Variants in CTBP2 observed in about 807,000 individuals in gnomAD.
CTBP2 encodes the protein C-terminal-binding protein 2.
A neutral mutation model predicts 80.3 loss-of-function variants in CTBP2; 30 were observed. The observed-to-expected ratio is 0.37, with a 90% CI of 0.28 to 0.51. The LOEUF is 0.51. CTBP2 is among the 20% of genes least tolerant of loss of function. The pLI, the probability that CTBP2 is intolerant of heterozygous loss-of-function variation, is 0.93. For missense variants in CTBP2, 1,212 were observed against 1,375.3 expected, an observed-to-expected ratio of 0.88 and a Z score of 1.88; for synonymous variants, 594 against 587.4, an observed-to-expected ratio of 1.01 and a Z score of -0.16.
chr10:125,150,447 A>T (rs1256184333), intron 1 of CTBP2, among the ~76,000 whole-genome samples: 5 of 152,148 alleles, frequency 3.3e-5, no homozygotes, highest in Non-Finnish European at 2.9e-5. Context: ...ACAGCTTGGG[A>T]GGAAAGAAGG....
intron 1 of CTBP2, among the ~76,000 whole-genome samples, chr10:125,128,495 T>C (rs1226493333): frequency 6.6e-6 from 1 of 152,120 alleles, no homozygotes; most frequent in Non-Finnish European, 1.5e-5. Context: ...CACCCTAATA[T>C]AGAGGACACA....
intron 1 of CTBP2, among the ~76,000 whole-genome samples, chr10:125,150,874 G>T (rs186491926): frequency 6.7e-6 from 1 of 149,490 alleles, no homozygotes; most frequent in Non-Finnish European, 1.5e-5. Context: ...GGCAGGCCCC[G>T]TTGAATACGT....
chr10:125,060,087 G>A (rs887764810), intron 2 of CTBP2, among the ~76,000 whole-genome samples: 5 of 152,136 alleles, frequency 3.3e-5, no homozygotes, highest in East Asian at 1.9e-4. Context: ...GATTCGAACC[G>A]TCTATCCCAG....
chr10:125,117,937 C>G (rs1014264058), intron 1 of CTBP2, among the ~76,000 whole-genome samples: 12 of 152,302 alleles, frequency 7.9e-5, no homozygotes, highest in African/African-American at 2.9e-4. Context: ...AAAATGCCCT[C>G]TAGGCAGAAA....
chr10:125,098,804 C>T (rs529910535), intron 2 of CTBP2, among the ~76,000 whole-genome samples: 1 of 96,712 alleles, frequency 1.0e-5, no homozygotes, highest in East Asian at 3.0e-4. Context: ...GAGAGACACC[C>T]AGGCCTCGGA....
At chr10:124,994,757 G>C (rs1452829635) in intron 4 of CTBP2, 74 bp from the exon 7 acceptor site, 3 of 1,471,810 alleles carry the variant, frequency 2.0e-6, no homozygotes, top group African/African-American at 1.4e-5. Context: ...CATTGCTTCT[G>C]AGCTGAGTCC....
rs74161001 is a variant in CTBP2 at position 125,003,158 on chromosome 10, A to G, written c.1834-54T>C. On this transcript the variant is annotated intron_variant, in intron 2 of 8. Coordinates refer to ENST00000309035, the MANE Select transcript of CTBP2 (RefSeq NM_022802.3). ...GCCCCACCCCGTGCAGCCCACCGGC[A>G]CCACTTGGCCTGGCCCCCTGGCCCT... is the stretch of plus-strand genomic sequence containing the variant. 1,901 of 1,609,738 alleles carry G rather than the reference A, an allele frequency of 1.2e-3. 22 individuals carry two copies. The African/African-American group carries it at 0.022, about 19-fold the overall frequency.
At chr10:125,132,778 A>G (rs1401307764) in intron 1 of CTBP2, among the ~76,000 whole-genome samples, 1 of 152,256 alleles carries the variant, frequency 6.6e-6, no homozygotes, top group Non-Finnish European at 1.5e-5. Context: ...ACGACATTCA[A>G]GTGAGAACAG....
At chr10:125,022,632 G>C (rs888327182) in intron 1 of CTBP2, among the ~76,000 whole-genome samples, 2 of 152,258 alleles carry the variant, frequency 1.3e-5, no homozygotes, top group Non-Finnish European at 2.9e-5. Context: ...CAGCCCGGAA[G>C]AGGTTTCCTT....
At chr10:125,095,889 GC>G (rs1338030537) in intron 2 of CTBP2, among the ~76,000 whole-genome samples, 1 of 152,138 alleles carries the variant, frequency 6.6e-6, no homozygotes, top group Non-Finnish European at 1.5e-5. Flanking sequence ...CCTTGCTAAG[GC>G]CCAATGGTCA....
chr10:125,053,219 G>T (rs1054166029), intron 2 of CTBP2, among the ~76,000 whole-genome samples: 8 of 152,174 alleles, frequency 5.3e-5, no homozygotes, highest in Non-Finnish European at 1.2e-4. Context: ...GAGTACGACT[G>T]GGGGTTCATC....
At chr10:125,017,536 T>C (rs1175628908) in intron 1 of CTBP2, among the ~76,000 whole-genome samples, 1 of 152,240 alleles carries the variant, frequency 6.6e-6, no homozygotes, top group African/African-American at 2.4e-5. Context: ...CTTTTCCATT[T>C]ATTAAAACTT....
At position 125,026,231 on chromosome 10, in the gene CTBP2, T is replaced by C. The variant is rs773078319; in HGVS notation, c.1529A>G (p.Gln510Arg). 1.2e-6 allele frequency: 2 copies of C among 1,613,504 alleles called. No homozygotes were observed. The highest frequency in any genetic ancestry group is 1.7e-5 in the Admixed American group (1 of 59,996). ...GGGTGCACCTGGCTTCCGCAAGACC[T>C]GGGGGCTGCCGTGAGGGCTGGGCAG... is the stretch of plus-strand genomic sequence containing the variant. The change falls in exon 1 of 9, where the codon CAG becomes CGG. Residue 510 changes from glutamine to arginine, a missense_variant. This residue lies in a region of CTBP2 where 848 missense variants were observed against 782.3 expected (regional missense o/e 1.08). Coordinates refer to ENST00000309035, the MANE Select transcript of CTBP2 (RefSeq NM_022802.3).
intron 1 of CTBP2, among the ~76,000 whole-genome samples, chr10:125,146,748 C>T (rs1858855450): frequency 1.3e-5 from 2 of 152,186 alleles, no homozygotes. Flanking sequence ...TGGAGCCCCA[C>T]AGGAAGCACA....
At chr10:125,128,136 C>T (rs117160212) in intron 1 of CTBP2, among the ~76,000 whole-genome samples, 2,693 of 152,260 alleles carry the variant, frequency 0.018, 28 homozygotes, top group Non-Finnish European at 0.025. Context: ...TGAGGCTGCT[C>T]TGGGAGCAGC....
Position 124,992,710 on chromosome 10 carries a change from T to C in CTBP2, c.2762A>G (p.Asn921Ser), listed in dbSNP as rs1362024893. The stretch of plus-strand genomic sequence containing the variant: ...CTTTTCTCACCTGTATGTGGCACCA[T>C]TGAGCTCAGGATGAATTGCTTGCTG... The change falls in exon 8 of 9, where the codon AAT (asparagine) becomes AGT (serine). Residue 921 changes from asparagine (N) to serine (S), a missense_variant. Around this residue, in one of 3 missense-constraint regions of CTBP2, gnomAD observed 335 missense variants for 504.7 expected, o/e 0.66. Transcript: ENST00000309035. 6.2e-7 allele frequency: 1 copy of C among 1,606,258 alleles called. No homozygotes were observed.
chr10:125,018,944 A>G (rs1956784360), intron 1 of CTBP2, among the ~76,000 whole-genome samples: 1 of 152,206 alleles, frequency 6.6e-6, no homozygotes, highest in South Asian at 2.1e-4. Context: ...GAATTTCTCC[A>G]TGGCTCTCAG....
chr10:125,036,080 ACTGT>A (rs1247467020), intron 3 of CTBP2, among the ~76,000 whole-genome samples: 1 of 152,170 alleles, frequency 6.6e-6, no homozygotes, highest in Non-Finnish European at 1.5e-5. Context: ...AGTCCCAAAG[ACTGT>A]CTGTGTCCTG....
chr10:125,098,234 C>T (rs1474078396), intron 2 of CTBP2, among the ~76,000 whole-genome samples: 2 of 152,104 alleles, frequency 1.3e-5, no homozygotes, highest in African/African-American at 4.8e-5. Context: ...AGCACTGAGA[C>T]GGTCCCAGCC....
Sources: allele counts gnomAD v4.1 joint callset (sites outside exome capture counted in the v4.1 genomes callset), GRCh38; gene constraint gnomAD v4.1.1; regional missense constraint gnomAD v4.1.1; transcripts MANE v1.5; gene names NCBI Gene and HGNC (gene_info 2026-07-23, HGNC 2026-07-21).